The following PPFIBP1 variants were observed in gnomAD, a reference collection of about 807,000 sequenced individuals.
The protein encoded by PPFIBP1 is PPFIB scaffold protein 1, also known as liprin-beta-1.
In PPFIBP1, 112 loss-of-function variants were observed where a neutral mutation model predicts 137.8. That is an observed-to-expected ratio of 0.81 (90% CI 0.70 to 0.95). The LOEUF (loss-of-function observed/expected upper bound fraction) is 0.95. PPFIBP1 is among the 40% of genes least tolerant of loss of function. The probability of loss-of-function intolerance (pLI) is 0.00; values close to 1 mark genes in which losing one functional copy is unlikely to be tolerated. For missense variants in PPFIBP1, 1,083 were observed against 1,196.6 expected (o/e 0.91, Z 1.40); for synonymous variants, 378 against 417.3 (o/e 0.91, Z 1.15).
Position 27,682,594 on chromosome 12 carries a change from ACACTGGCCT to A in PPFIBP1, c.2159-19_2159-11del. The A allele has an allele frequency of 6.2e-7, 1 of 1,613,866 alleles. No homozygotes were observed. The highest frequency in any genetic ancestry group is 8.5e-7 in the Non-Finnish European group (1 of 1,179,724). On this transcript the variant is annotated splice_polypyrimidine_tract_variant and intron_variant, in intron 23 of 29. Coordinates refer to ENST00000228425, the MANE Select transcript of PPFIBP1 (RefSeq NM_003622.4). ...ACAGATGTTTTGTGGCATGGTAGCA[ACACTGGCCT>A]CTCTCTTTTAGGATGGTTGGATGAC... is the stretch of plus-strand genomic sequence containing the variant.
At chr12:27,530,951 A>G (rs1200259188) in intron 1 of PPFIBP1, among the ~76,000 whole-genome samples, 3 of 152,238 alleles carry the variant, frequency 2.0e-5, no homozygotes, top group African/African-American at 4.8e-5. Flanking sequence ...CAACTGCTCT[A>G]CTGGACCCAT....
intron 2 of PPFIBP1, among the ~76,000 whole-genome samples, chr12:27,595,887 AT>A (rs1256102908): frequency 3.0e-4 from 29 of 96,878 alleles, no homozygotes; most frequent in African/African-American, 7.8e-4. Context: ...CAACAACAAA[AT>A]ATATATATAT....
intron 29 of PPFIBP1, 56 bp downstream of exon 29, chr12:27,692,712 C>T (rs2061625356): frequency 1.4e-5 from 22 of 1,613,648 alleles, no homozygotes; most frequent in African/African-American, 4.0e-5. Context: ...TTATAACAAC[C>T]CCAAAGGACC....
chr12:27,650,432 G>A (rs1593137566), intron 7 of PPFIBP1, among the ~76,000 whole-genome samples: 2 of 152,102 alleles, frequency 1.3e-5, no homozygotes, highest in South Asian at 2.1e-4. Context: ...TGGAGCATCC[G>A]TCCATCCATA....
At chr12:27,550,019 C>T (rs1000646930) in intron 1 of PPFIBP1, among the ~76,000 whole-genome samples, 1 of 152,154 alleles carries the variant, frequency 6.6e-6, no homozygotes, top group Admixed American at 6.5e-5. Flanking sequence ...AAATGCTGGA[C>T]CTCAGAAAAA....
chr12:27,593,057 G>A (rs555584979), intron 2 of PPFIBP1, among the ~76,000 whole-genome samples: 4 of 141,402 alleles, frequency 2.8e-5, no homozygotes, highest in Non-Finnish European at 4.6e-5. Context: ...ACTTGAGCAC[G>A]GGAAGTAGAG....
At chr12:27,589,145 C>T (rs766890949) in intron 2 of PPFIBP1, among the ~76,000 whole-genome samples, 14 of 152,184 alleles carry the variant, frequency 9.2e-5, no homozygotes, top group Non-Finnish European at 1.3e-4. Context: ...ATAAGTTCTC[C>T]CACTTGCAAT....
In PPFIBP1 at chr12:27,689,073, A is replaced by G; in HGVS notation, c.2555A>G (p.Asn852Ser). ...TMAQLLNIPP[N>S]KTLLRRHLAT... ...GCTCAGTTATTGAACATCCCACCCAATAAGACTTTGCTGCGAAGACATTTG... is the reference window on the plus strand; with the variant it reads ...GCTCAGTTATTGAACATCCCACCCAGTAAGACTTTGCTGCGAAGACATTTG... The change falls in exon 27 of 30, where the codon AAT becomes AGT. Residue 852 changes from asparagine to serine, a missense_variant. Asn to Ser is a conservative substitution (Grantham distance 46). Coordinates refer to ENST00000228425, the MANE Select transcript of PPFIBP1 (RefSeq NM_003622.4). 3 of 1,614,002 alleles carry G rather than the reference A, an allele frequency of 1.9e-6. No individual in the cohort carries two copies. Among genetic ancestry groups the G allele is most frequent in the Non-Finnish European group, 2.5e-6 (3 of 1,179,980 alleles).
At chr12:27,593,819 T>C in intron 2 of PPFIBP1, 1 of 1,238,252 alleles carries the variant, frequency 8.1e-7, no homozygotes, top group Non-Finnish European at 1.1e-6. Context: ...CTGAATTTGG[T>C]ATTGTCTCTT....
At chr12:27,668,448 C>T (rs1243352432) in intron 13 of PPFIBP1, among the ~76,000 whole-genome samples, 2 of 152,198 alleles carry the variant, frequency 1.3e-5, no homozygotes, top group Non-Finnish European at 2.9e-5. Context: ...CAAAATCCAG[C>T]CAGGCACATG....
intron 6 of PPFIBP1, 112 bp from the exon 7 acceptor site, chr12:27,649,898 T>A: frequency 1.0e-6 from 1 of 985,826 alleles, no homozygotes; most frequent in Non-Finnish European, 1.4e-6. Flanking sequence ...TAATTATACT[T>A]CACTATATCC....
At chr12:27,602,562 C>T (rs2054114320) in intron 2 of PPFIBP1, among the ~76,000 whole-genome samples, 1 of 152,220 alleles carries the variant, frequency 6.6e-6, no homozygotes, top group Non-Finnish European at 1.5e-5. Flanking sequence ...GCTAGATAGA[C>T]TCTTATTTTC....
intron 2 of PPFIBP1, among the ~76,000 whole-genome samples, chr12:27,613,262 A>C (rs2055357902): frequency 6.6e-6 from 1 of 152,226 alleles, no homozygotes; most frequent in African/African-American, 2.4e-5. Context: ...TCCATCTTCC[A>C]TCTGGTGACC....
intron 2 of PPFIBP1, among the ~76,000 whole-genome samples, chr12:27,596,828 T>C (rs575430992): frequency 1.5e-3 from 230 of 152,360 alleles, no homozygotes; most frequent in African/African-American, 5.2e-3. Flanking sequence ...AACCAAGGCA[T>C]GAATGGTTGT....
Position 27,681,681 on chromosome 12 carries a change from A to G in PPFIBP1, c.2031A>G (p.Gln677=), listed in dbSNP as rs2060882022. The G allele has an allele frequency of 1.2e-6, 2 of 1,614,174 alleles. No homozygotes were observed. Among genetic ancestry groups the G allele is most frequent in the East Asian group, 2.2e-5 (1 of 44,876 alleles). Residue 677 remains glutamine (Q), a synonymous_variant, in exon 22 of 30, where the codon CAA becomes CAG. Transcript: ENST00000228425. ...ASGQTLLQAS[Q]QDLEKELGIK... is the part of the protein sequence containing the mutation. ...GCCAAACGCTTTTGCAGGCTTCTCA[A>G]CAAGATCTAGAGAAGGTGACTGCTT...
At chr12:27,672,954 A>G (rs1002176565) in intron 15 of PPFIBP1, among the ~76,000 whole-genome samples, 10 of 81,274 alleles carry the variant, frequency 1.2e-4, no homozygotes, top group African/African-American at 5.0e-4. Context: ...TCAGAGCAGT[A>G]CTCAAAAATG....
Position 27,635,111 on chromosome 12 carries a change from A to G in PPFIBP1, c.266A>G (p.Gln89Arg), listed in dbSNP as rs1049020512. The G allele has an allele frequency of 1.2e-6, 2 of 1,613,992 alleles. No homozygotes were observed. Among genetic ancestry groups the G allele is most frequent in the African/African-American group, 1.3e-5 (1 of 74,940 alleles). Residue 89 changes from glutamine (Q) to arginine (R), a missense_variant, in exon 4 of 30, where the codon CAA (glutamine) becomes CGA (arginine). Coordinates refer to ENST00000228425, the MANE Select transcript of PPFIBP1 (RefSeq NM_003622.4). ...ACGCTTGTTGAATGGCTTCAGAGTC[A>G]AATGGTAGGGTCTGCCTGTTCCAAA... ...AETLVEWLQS[Q>R]MTNGHLPGNG...
At chr12:27,667,660 T>A (rs2059939103) in intron 13 of PPFIBP1, among the ~76,000 whole-genome samples, 2 of 152,272 alleles carry the variant, frequency 1.3e-5, no homozygotes, top group Non-Finnish European at 2.9e-5. Context: ...GCATTTCTTT[T>A]GCTGATGACT....
chr12:27,577,264 G>A (rs1287715132), intron 1 of PPFIBP1, among the ~76,000 whole-genome samples: 2 of 148,648 alleles, frequency 1.3e-5, no homozygotes, highest in Admixed American at 6.7e-5. Context: ...CCATTAAGTT[G>A]TTGCAACCTT....
Sources: gnomAD v4.1 joint callset for allele counts (sites outside exome capture counted in the v4.1 genomes callset) on GRCh38, gnomAD v4.1.1 for gene constraint, MANE v1.5 for transcripts, NCBI Gene and HGNC (gene_info 2026-07-23, HGNC 2026-07-21) for gene names.